The following ILDR1 variants were observed in gnomAD, a reference collection of about 807,000 sequenced individuals.
ILDR1 encodes immunoglobulin like domain containing receptor 1, also known as immunoglobulin-like domain-containing receptor 1.
A neutral mutation model predicts 62.4 loss-of-function variants in ILDR1; 56 were observed. The observed-to-expected ratio is 0.90, with a 90% CI of 0.72 to 1.12. The LOEUF is 1.12. Ranked by LOEUF, ILDR1 falls within the 50% of genes most tolerant of loss-of-function variation. The probability of loss-of-function intolerance (pLI) is 0.00; values close to 1 mark genes in which losing one functional copy is unlikely to be tolerated. For missense variants in ILDR1, 736 were observed against 710.6 expected, an observed-to-expected ratio of 1.04 and a Z score of -0.41; for synonymous variants, 284 against 277.8, an observed-to-expected ratio of 1.02 and a Z score of -0.22.
the ILDR1 span, among the ~76,000 whole-genome samples, chr3:122,056,917 A>G: frequency 6.6e-6 from 1 of 152,212 alleles, no homozygotes. Flanking sequence ...GCTGCTGTCT[A>G]TATTGAACTT....
chr3:121,998,466 T>C (rs1038002354), intron 5 of ILDR1, among the ~76,000 whole-genome samples: 7 of 152,200 alleles, frequency 4.6e-5, no homozygotes, highest in African/African-American at 1.7e-4. Flanking sequence ...AGTGACCTCA[T>C]CGGCCCAAGT....
chr3:122,058,688 A>G, the ILDR1 span, among the ~76,000 whole-genome samples: 1 of 152,196 alleles, frequency 6.6e-6, no homozygotes, highest in Non-Finnish European at 1.5e-5. Flanking sequence ...GCATCCAGCT[A>G]TGATCATCCT....
At chr3:122,040,716 C>T in the ILDR1 span, among the ~76,000 whole-genome samples, 2 of 140,300 alleles carry the variant, frequency 1.4e-5, no homozygotes, top group East Asian at 4.0e-4. Flanking sequence ...AACTGGAAAT[C>T]CAGATGCAAA....
chr3:122,046,134 C>T, the ILDR1 span, among the ~76,000 whole-genome samples: 5 of 151,492 alleles, frequency 3.3e-5, no homozygotes, highest in Non-Finnish European at 4.4e-5. Flanking sequence ...AATCTCTCAG[C>T]GTTTGCTTGT....
chr3:122,041,779 T>C, the ILDR1 span, among the ~76,000 whole-genome samples: 3 of 152,036 alleles, frequency 2.0e-5, no homozygotes, highest in Non-Finnish European at 4.4e-5. Flanking sequence ...TTTACTGAAT[T>C]CATTTATTAG....
chr3:122,046,435 C>A, the ILDR1 span, among the ~76,000 whole-genome samples: 1 of 144,044 alleles, frequency 6.9e-6, no homozygotes, highest in Non-Finnish European at 1.5e-5. Flanking sequence ...TTGTGGCGTT[C>A]TCTGTATTTC....
In ILDR1 at chr3:121,987,843, A is replaced by T. The variant is rs1400384732; in HGVS notation, c.*524T>A. ...CAGAGATTATATAAATATGCAAGAGAGCATGAACCAAGGCTAAAACTACAG... is the reference window on the plus strand; with the variant it reads ...CAGAGATTATATAAATATGCAAGAGTGCATGAACCAAGGCTAAAACTACAG... On this transcript the variant is annotated 3_prime_UTR_variant, in exon 8 of 8. Transcript: ENST00000344209. 3 of 252,296 alleles carry T rather than the reference A, an allele frequency of 1.2e-5. No individual in the cohort carries two copies. The East Asian group carries it at 3.1e-4, about 26-fold the overall frequency. The allele number at this position is 252,296 out of a possible 1,614,324, so 15.6% of individuals were successfully genotyped here.
intron 3 of ILDR1, among the ~76,000 whole-genome samples, 175 bp from the exon 4 acceptor site, chr3:122,002,039 C>T (rs974385129): frequency 2.6e-5 from 4 of 152,092 alleles, no homozygotes; most frequent in African/African-American, 9.7e-5. Flanking sequence ...TCTCTGGAGA[C>T]CGAGGTGGGA....
At chr3:122,029,311 G>A in the ILDR1 span, among the ~76,000 whole-genome samples, 13 of 151,710 alleles carry the variant, frequency 8.6e-5, no homozygotes, top group East Asian at 1.9e-4. Flanking sequence ...GTTCATGAAC[G>A]GCCTGGCCAA....
chr3:122,006,756 G>T (rs991444457), intron 2 of ILDR1, among the ~76,000 whole-genome samples: 1 of 152,114 alleles, frequency 6.6e-6, no homozygotes, highest in Non-Finnish European at 1.5e-5. Flanking sequence ...AAATTTTTTT[G>T]AGAACAAAGC....
At position 122,019,341 on chromosome 3, in the gene ILDR1, A is replaced by G. The variant is rs534137948; in HGVS notation, c.58+2679T>C. On this transcript the variant is annotated intron_variant, in intron 1 of 7. Coordinates refer to ENST00000344209, the MANE Select transcript of ILDR1 (RefSeq NM_001199799.2). ...CCATTGTTATTATTTTATTCAACTT[A>G]GTAATAAAATTTTTGTGATCATTTT... Among the ~76,000 whole-genome samples the G allele has an allele frequency of 1.0e-3, 156 of 152,314 alleles. 1 individual carries two copies. Among genetic ancestry groups the G allele is most frequent in the Non-Finnish European group, 7.1e-4 (48 of 68,032 alleles).
chr3:122,022,791 A>C (rs1294987137), upstream of ILDR1, among the ~76,000 whole-genome samples: 8 of 152,054 alleles, frequency 5.3e-5, no homozygotes, highest in Non-Finnish European at 1.2e-4. Context: ...CACGCCCCTG[A>C]AATCTCAGCT....
chr3:121,988,471 A>G lies in ILDR1; in HGVS notation c.1600-63T>C, dbSNP rs2071287176. On this transcript the variant is annotated intron_variant, in intron 7 of 7. Transcript: ENST00000344209. ...GTCAGTGCAATCCGTCTATGCATGT[A>G]ACACATAATGTGCTCTTGATTTACA... 4.7e-5 allele frequency: 61 copies of G among 1,297,606 alleles called. No individual in the cohort carries two copies. In the South Asian group the frequency reaches 6.7e-4, roughly 14 times the overall value. 80.4% of individuals were successfully genotyped at this position (1,297,606 alleles called of 1,614,324 possible).
the ILDR1 span, among the ~76,000 whole-genome samples, chr3:122,027,751 A>G: frequency 6.6e-6 from 1 of 152,328 alleles, no homozygotes; most frequent in East Asian, 1.9e-4. Flanking sequence ...CCTGAGTTGT[A>G]TGCTTTATAA....
At chr3:122,058,814 T>C in the ILDR1 span, among the ~76,000 whole-genome samples, 11 of 152,086 alleles carry the variant, frequency 7.2e-5, no homozygotes, top group Non-Finnish European at 1.3e-4. Context: ...AAGGAGATCA[T>C]TTAGGAGACT....
chr3:122,048,906 G>T, the ILDR1 span, among the ~76,000 whole-genome samples: 1 of 152,110 alleles, frequency 6.6e-6, no homozygotes, highest in African/African-American at 2.4e-5. Flanking sequence ...AAAGTGCTGG[G>T]ATTACAGGCA....
At chr3:122,057,334 T>C in the ILDR1 span, among the ~76,000 whole-genome samples, 5,703 of 152,272 alleles carry the variant, frequency 0.037, 137 homozygotes, top group African/African-American at 0.07. Flanking sequence ...ATAAGGAAAA[T>C]CTTAGAAACA....
chr3:122,017,109 G>A (rs528216006), intron 1 of ILDR1, among the ~76,000 whole-genome samples: 23 of 151,830 alleles, frequency 1.5e-4, no homozygotes, highest in African/African-American at 2.7e-4. Flanking sequence ...GTGAAATGGC[G>A]CGATCTCGGC....
Position 122,007,133 on chromosome 3 carries a change from C to G in ILDR1, c.87G>C (p.Gln29His). The G allele has an allele frequency of 6.2e-7, 1 of 1,614,148 alleles. No homozygotes were observed. The change falls in exon 2 of 8, where the codon CAG (glutamine) becomes CAC (histidine). Residue 29 changes from glutamine (Q) to histidine (H), a missense_variant. Coordinates refer to ENST00000344209, the MANE Select transcript of ILDR1 (RefSeq NM_001199799.2). ...AGCLSLLVTV[Q>H]HTERYVTLFA... Reference sequence around the variant, plus strand: ...ACAGGGTGACATAGCGTTCTGTGTGCTGGACCGTCACAAGCAAGGACAGGC... The same window carrying G: ...ACAGGGTGACATAGCGTTCTGTGTGGTGGACCGTCACAAGCAAGGACAGGC...
Sources: allele counts gnomAD v4.1 joint callset (sites outside exome capture counted in the v4.1 genomes callset), GRCh38; gene constraint gnomAD v4.1.1; transcripts MANE v1.5; gene names NCBI Gene and HGNC (gene_info 2026-07-23, HGNC 2026-07-21).